ST3GAL1: variants seen among roughly 807,000 people sequenced by gnomAD.
ST3GAL1 encodes ST3 beta-galactoside alpha-2,3-sialyltransferase 1, also known as CMP-N-acetylneuraminate-beta-galactosamide-alpha-2,3-sialyltransferase 1.
ST3GAL1 carries 16 observed loss-of-function variants against 34.1 expected under a neutral mutation model. The observed-to-expected ratio is 0.47, with a 90% CI of 0.32 to 0.71. The LOEUF is 0.71. Among genes scored for constraint, ST3GAL1 ranks in the 30% least tolerant of loss-of-function variants. The pLI is 0.04. For synonymous variants in ST3GAL1, 191 were observed against 184.7 expected (o/e 1.03, Z -0.28); for missense variants, 353 against 447.4 (o/e 0.79, Z 1.90).
At chr8:133,538,187 C>T (rs930008556) in intron 2 of ST3GAL1, among the ~76,000 whole-genome samples, 3 of 152,294 alleles carry the variant, frequency 2.0e-5, no homozygotes, top group East Asian at 1.9e-4. Context: ...CTGCTGTATC[C>T]GAAGTACCCA....
rs1217815463 is a variant in ST3GAL1, at chr8:133,457,409, C to T, written c.*2355G>A. On this transcript the variant is annotated 3_prime_UTR_variant, in exon 10 of 10. Transcript: ENST00000522652. ...AGAGGGAGAGTTGAGGAGATAGCAT[C>T]GCTCTCTGTATCAGTGTCTGATGAT... 2 of 152,274 alleles carry T rather than the reference C, an allele frequency of 1.3e-5. No homozygotes were observed. The allele number at this position is 152,274 out of a possible 1,614,324, so 9.4% of individuals were successfully genotyped here.
chr8:133,541,112 T>TAG lies in ST3GAL1; in HGVS notation c.-429+4661_-429+4662insCT, dbSNP rs1438213053. Among the ~76,000 whole-genome samples, 338 of 40,684 alleles carry TAG rather than the reference T, an allele frequency of 8.3e-3. 40 individuals carry two copies. The highest frequency in any genetic ancestry group is 0.032 in the African/African-American group (245 of 7,654). 26.7% of individuals were successfully genotyped at this position (40,684 alleles called of 152,430 possible). On this transcript the variant is annotated intron_variant, in intron 2 of 9. Coordinates refer to ENST00000522652, the MANE Select transcript of ST3GAL1 (RefSeq NM_173344.3). ...ATATATAAACATATATATATATATA[T>TAG]ATATATATAGAGAGAGAGAGAGAGA... is the stretch of plus-strand genomic sequence containing the variant.
chr8:133,556,165 G>C lies in ST3GAL1; in HGVS notation c.-581-10239C>G, dbSNP rs1819013816. Among the ~76,000 whole-genome samples, 1 of 152,162 alleles carries C rather than the reference G, an allele frequency of 6.6e-6. No individual in the cohort carries two copies. The highest frequency in any genetic ancestry group is 2.4e-5 in the African/African-American group (1 of 41,444). On this transcript the variant is annotated intron_variant, in intron 1 of 9. Transcript: ENST00000522652. The surrounding 1 kb of genome is among the most constrained non-coding windows in gnomAD (Gnocchi z 8.9). ...CCCATCTCGGCCTCCCAAAGTGCTA[G>C]GATTGCAGGCATGAGCCACCATGCC...
chr8:133,483,312 C>T (rs57443741), intron 3 of ST3GAL1, among the ~76,000 whole-genome samples: 6 of 152,116 alleles, frequency 3.9e-5, no homozygotes, highest in East Asian at 3.9e-4. Flanking sequence ...ACTGCACTCC[C>T]GCCTGGCCGA....
At chr8:133,547,504 C>A (rs1242203059) in intron 1 of ST3GAL1, among the ~76,000 whole-genome samples, 1 of 152,160 alleles carries the variant, frequency 6.6e-6, no homozygotes, top group Non-Finnish European at 1.5e-5. Context: ...GCATGAGCCA[C>A]CATGCCCAGC....
At chr8:133,525,232 G>A (rs1227773578) in intron 2 of ST3GAL1, among the ~76,000 whole-genome samples, 1 of 152,234 alleles carries the variant, frequency 6.6e-6, no homozygotes, top group Non-Finnish European at 1.5e-5. Flanking sequence ...GCTTTCAGCA[G>A]AGAAGACACA....
At chr8:133,529,007 C>T (rs1409973262) in intron 2 of ST3GAL1, among the ~76,000 whole-genome samples, 1 of 152,240 alleles carries the variant, frequency 6.6e-6, no homozygotes. Flanking sequence ...TGCTAAGACA[C>T]ATGGGGCTCT....
chr8:133,483,974 A>G (rs2130961121), intron 3 of ST3GAL1, among the ~76,000 whole-genome samples: 1 of 152,326 alleles, frequency 6.6e-6, no homozygotes. Context: ...TGTCTTCTGA[A>G]GTATCCAAGA....
intron 2 of ST3GAL1, among the ~76,000 whole-genome samples, chr8:133,542,876 A>T (rs939736459): frequency 2.6e-5 from 4 of 152,170 alleles, no homozygotes; most frequent in Admixed American, 6.5e-5. Flanking sequence ...AGCAAAATTT[A>T]AAAAATCACC....
chr8:133,520,494 T>C (rs534856211), intron 2 of ST3GAL1, among the ~76,000 whole-genome samples: 2 of 152,294 alleles, frequency 1.3e-5, no homozygotes. Context: ...CTGTTGGGTA[T>C]GGGCCCACCT....
intron 3 of ST3GAL1, among the ~76,000 whole-genome samples, chr8:133,487,206 T>G (rs188244348): frequency 4.1e-4 from 63 of 152,266 alleles, no homozygotes; most frequent in African/African-American, 1.4e-3. Flanking sequence ...CCCAAAGTGC[T>G]GGGATTACAG....
intron 3 of ST3GAL1, 149 bp downstream of exon 3, chr8:133,498,986 C>T (rs1817064516): frequency 6.6e-6 from 1 of 152,272 alleles, no homozygotes; most frequent in African/African-American, 2.4e-5. Flanking sequence ...GGGCCCTCTC[C>T]TTTCAACCCA....
At chr8:133,546,878 T>C (rs1479076944) in intron 1 of ST3GAL1, among the ~76,000 whole-genome samples, 1 of 151,900 alleles carries the variant, frequency 6.6e-6, no homozygotes, top group Non-Finnish European at 1.5e-5. Flanking sequence ...ACATGGCGCA[T>C]GCCTATAGTC....
chr8:133,464,478 C>T (rs1418265598), intron 7 of ST3GAL1, among the ~76,000 whole-genome samples: 1 of 152,246 alleles, frequency 6.6e-6, no homozygotes, highest in Non-Finnish European at 1.5e-5. Flanking sequence ...GGAGGCTGAA[C>T]TCACATGGGC....
In ST3GAL1 at chr8:133,508,683, G is replaced by A. The variant is rs1361513477; in HGVS notation, c.-428-9494C>T. Among the ~76,000 whole-genome samples the A allele has an allele frequency of 6.6e-6, 1 of 152,066 alleles. No homozygotes were observed. The highest frequency in any genetic ancestry group is 1.5e-5 in the Non-Finnish European group (1 of 68,018). On this transcript the variant is annotated intron_variant, in intron 2 of 9. Transcript: ENST00000522652. This position sits in a 1 kb window ranked among gnomAD's most constrained non-coding sequence, Gnocchi z 4.1. ...CACCGAGTCCAGACTCTTGGCTTTTGTGAGGAACCAGAGCCATTGGTCATT... is the reference window on the plus strand; with the variant it reads ...CACCGAGTCCAGACTCTTGGCTTTTATGAGGAACCAGAGCCATTGGTCATT...
At chr8:133,479,159 T>G (rs1438069981) in intron 3 of ST3GAL1, among the ~76,000 whole-genome samples, 2 of 152,238 alleles carry the variant, frequency 1.3e-5, no homozygotes, top group Admixed American at 6.5e-5. Context: ...TTCATCTCAT[T>G]CATTGACTGC....
intron 6 of ST3GAL1, 74 bp from the exon 7 acceptor site, chr8:133,465,031 G>C (rs1268131563): frequency 1.3e-5 from 19 of 1,487,284 alleles, no homozygotes; most frequent in Non-Finnish European, 1.5e-5. Flanking sequence ...AGCTCCGAGA[G>C]AGTGAGCCTC....
At position 133,497,455 on chromosome 8, in the gene ST3GAL1, A is replaced by ATTTTT. The variant is rs1816988627; in HGVS notation, c.-374+1679_-374+1680insAAAAA. ...CTTCTCTCCCATGCAATTTTGTTGG[A>ATTTTT]ATTTTTTTTTTTTTTTTTTTTTTTT... On this transcript the variant is annotated intron_variant, in intron 3 of 9. Transcript: ENST00000522652. Among the ~76,000 whole-genome samples, 19 of 101,222 alleles carry ATTTTT rather than the reference A, an allele frequency of 1.9e-4. 9 individuals are homozygous for ATTTTT. The highest frequency in any genetic ancestry group is 1.7e-4 in the Non-Finnish European group (9 of 52,138). 66.4% of individuals were successfully genotyped at this position (101,222 alleles called of 152,430 possible). A position where few individuals can be genotyped will look rare whatever the true frequency, so the allele number is the denominator to read the frequency against.
intron 3 of ST3GAL1, among the ~76,000 whole-genome samples, chr8:133,484,212 A>T (rs1816496641): frequency 6.6e-6 from 1 of 152,206 alleles, no homozygotes; most frequent in African/African-American, 2.4e-5. Context: ...CTCCTAGCTG[A>T]GAGGTCTTGG....
Sources: allele counts gnomAD v4.1 joint callset (sites outside exome capture counted in the v4.1 genomes callset), GRCh38; gene constraint gnomAD v4.1.1; non-coding constraint Gnocchi (gnomAD v3.1); transcripts MANE v1.5; gene names NCBI Gene and HGNC (gene_info 2026-07-23, HGNC 2026-07-21).